FAM91A1: variants seen among roughly 807,000 people sequenced by gnomAD.
The protein encoded by FAM91A1 is protein FAM91A1.
Under a neutral mutation model 113.5 loss-of-function variants are expected in FAM91A1, and 41 were observed. The ratio of observed to expected loss-of-function variants is 0.36; its 90% CI spans 0.28 to 0.47. FAM91A1 has a LOEUF of 0.47. Among genes scored for constraint, FAM91A1 ranks in the 20% least tolerant of loss-of-function variants. The probability of loss-of-function intolerance (pLI) is 1.00; values close to 1 mark genes in which losing one functional copy is unlikely to be tolerated. For missense variants in FAM91A1, 696 were observed against 1,001.2 expected (o/e 0.70, Z 4.11); for synonymous variants, 307 against 347.9 (o/e 0.88, Z 1.31).
At position 123,775,357 on chromosome 8, in the gene FAM91A1, T is replaced by C. The variant is rs943543652; in HGVS notation, c.309+59T>C. ...GGGATGGGACTACATGTCTGGGACT[T>C]TTTGCAGATGTTCACCAGCTCTTCA... On this transcript the variant is annotated intron_variant, in intron 3 of 23. Transcript: ENST00000334705. The C allele has an allele frequency of 3.2e-6, 5 of 1,567,430 alleles. No individual in the cohort carries two copies. The Admixed American group carries it at 9.0e-5, about 28-fold the overall frequency.
chr8:123,784,386 C>T, intron 8 of FAM91A1, 84 bp from the exon 9 acceptor site: 1 of 1,021,996 alleles, frequency 9.8e-7, no homozygotes, highest in Non-Finnish European at 1.4e-6. Context: ...TTAGAGGTTT[C>T]TTTTTTTAAT....
At chr8:123,782,652 A>G (rs1360704664) in intron 8 of FAM91A1, among the ~76,000 whole-genome samples, 3 of 152,336 alleles carry the variant, frequency 2.0e-5, no homozygotes, top group East Asian at 1.9e-4. Flanking sequence ...TTTGTCGTAT[A>G]TATTTAAATT....
At position 123,815,122 on chromosome 8, in the gene FAM91A1, A is replaced by G. The variant is rs947484861; in HGVS notation, c.*2418A>G. Reference sequence around the variant, plus strand: ...TTTGAAGAAATGCAACTTTATATCAAAAAATGTCATCTGATTTCCTTTGTT... The same window carrying G: ...TTTGAAGAAATGCAACTTTATATCAGAAAATGTCATCTGATTTCCTTTGTT... On this transcript the variant is annotated 3_prime_UTR_variant, in exon 24 of 24. Coordinates refer to ENST00000334705, the MANE Select transcript of FAM91A1 (RefSeq NM_144963.4). The G allele has an allele frequency of 1.3e-5, 2 of 152,638 alleles. No individual in the cohort carries two copies. Among genetic ancestry groups the G allele is most frequent in the African/African-American group, 4.8e-5 (2 of 41,450 alleles). The allele number at this position is 152,638 out of a possible 1,614,324, so 9.5% of individuals were successfully genotyped here.
At chr8:123,795,736 C>T (rs923634909) in intron 15 of FAM91A1, among the ~76,000 whole-genome samples, 2 of 152,044 alleles carry the variant, frequency 1.3e-5, no homozygotes, top group African/African-American at 2.4e-5. Context: ...TTAATGCATG[C>T]GAAAGTGTCC....
At chr8:123,806,321 A>G in intron 20 of FAM91A1, 92 bp downstream of exon 20, 1 of 1,293,388 alleles carries the variant, frequency 7.7e-7, no homozygotes, top group Non-Finnish European at 1.0e-6. Context: ...CTTTGTGGGG[A>G]TGCTGAATTA....
intron 11 of FAM91A1, 110 bp from the exon 12 acceptor site, chr8:123,786,385 A>T (rs1815258068): frequency 1.2e-6 from 1 of 822,030 alleles, no homozygotes. Flanking sequence ...CTTGAATATA[A>T]GACTGAATTT....
At chr8:123,785,011 G>T in intron 9 of FAM91A1, 70 bp from the exon 10 acceptor site, 9 of 1,133,674 alleles carry the variant, frequency 7.9e-6, no homozygotes, top group Non-Finnish European at 1.1e-5. Flanking sequence ...GATTATATTG[G>T]TCTATTACAA....
intron 8 of FAM91A1, 72 bp from the exon 9 acceptor site, chr8:123,784,398 A>T: frequency 9.0e-7 from 1 of 1,112,968 alleles, no homozygotes. Context: ...TTTTTTAATT[A>T]GATATGTAAA....
At chr8:123,809,731 T>C (rs970110718) in intron 22 of FAM91A1, among the ~76,000 whole-genome samples, 1 of 152,138 alleles carries the variant, frequency 6.6e-6, no homozygotes, top group Non-Finnish European at 1.5e-5. Context: ...TATCAGAAAA[T>C]GAAGAGTACT....
At chr8:123,787,433 A>G in intron 13 of FAM91A1, 60 bp downstream of exon 13, 1 of 1,283,818 alleles carries the variant, frequency 7.8e-7, no homozygotes, top group South Asian at 1.3e-5. Context: ...ATATAAAATA[A>G]TTTAATGCTT....
chr8:123,777,249 T>A lies in FAM91A1; in HGVS notation c.310-16T>A. 6.4e-7 allele frequency: 1 copy of A among 1,556,612 alleles called. No homozygotes were observed. The highest frequency in any genetic ancestry group is 8.8e-7 in the Non-Finnish European group (1 of 1,140,010). ...ACATTTTAGATTTCAAATTTAAATT[T>A]TTTTCTTTTTAAAAGGATATTATGA... On this transcript the variant is annotated splice_polypyrimidine_tract_variant and intron_variant, in intron 3 of 23. Transcript: ENST00000334705.
At chr8:123,789,560 G>A (rs371091115) in intron 14 of FAM91A1, 53 bp from the exon 15 acceptor site, 2 of 1,607,898 alleles carry the variant, frequency 1.2e-6, no homozygotes, top group South Asian at 2.2e-5. Flanking sequence ...TTATTAGAGT[G>A]AATGGCATAA....
chr8:123,784,911 AG>A, intron 9 of FAM91A1, 169 bp from the exon 10 acceptor site: 1 of 509,172 alleles, frequency 2.0e-6, no homozygotes, highest in East Asian at 3.3e-5. Context: ...TTGTACTATA[AG>A]GATCTTAGAG....
intron 14 of FAM91A1, among the ~76,000 whole-genome samples, chr8:123,789,261 A>T (rs1306623809): frequency 6.6e-6 from 1 of 152,240 alleles, no homozygotes. Flanking sequence ...TGAGAATTAT[A>T]GGTAAAACTG....
chr8:123,768,551 C>A lies in FAM91A1; in HGVS notation c.-152C>A. The A allele has an allele frequency of 1.6e-6, 1 of 614,832 alleles. No individual in the cohort carries two copies. The highest frequency in any genetic ancestry group is 2.7e-6 in the Non-Finnish European group (1 of 365,376). 38.1% of individuals were successfully genotyped at this position (614,832 alleles called of 1,614,324 possible). ...GTTGGCCCGGGCGGCGCTGAACTGT[C>A]GGGAGCCTAGGCCATGGGGCAGCCT... On this transcript the variant is annotated 5_prime_UTR_variant, in exon 1 of 24. Transcript: ENST00000334705.
At chr8:123,781,965 T>G (rs1815135041) in intron 8 of FAM91A1, among the ~76,000 whole-genome samples, 1 of 152,224 alleles carries the variant, frequency 6.6e-6, no homozygotes, top group Non-Finnish European at 1.5e-5. Flanking sequence ...TATGAAAGTA[T>G]TACTCTAGTG....
intron 18 of FAM91A1, among the ~76,000 whole-genome samples, chr8:123,802,092 A>AG (rs930650035): frequency 6.6e-6 from 1 of 152,048 alleles, no homozygotes; most frequent in African/African-American, 2.4e-5. Context: ...TAGCAATTAC[A>AG]GGGGGGTAAC....
rs1178179027 is a variant in FAM91A1, at chr8:123,778,009, A to G, written c.368-16A>G. On this transcript the variant is annotated splice_polypyrimidine_tract_variant and intron_variant, in intron 4 of 23. Coordinates refer to ENST00000334705, the MANE Select transcript of FAM91A1 (RefSeq NM_144963.4). ...GATATGTTAAATGTTTTTAAAGGAA[A>G]GACTCTTTTTTTCAGGTCTAAGGCT... 10 of 1,605,972 alleles carry G rather than the reference A, an allele frequency of 6.2e-6. No homozygotes were observed. The highest frequency in any genetic ancestry group is 8.5e-6 in the Non-Finnish European group (10 of 1,174,320).
At chr8:123,780,404 G>C in intron 7 of FAM91A1, 76 bp from the exon 8 acceptor site, 1 of 1,076,952 alleles carries the variant, frequency 9.3e-7, no homozygotes, top group Non-Finnish European at 1.4e-6. Flanking sequence ...TTTACAGAAA[G>C]CCAGGAATTA....
Sources: gnomAD v4.1 joint callset for allele counts (sites outside exome capture counted in the v4.1 genomes callset) on GRCh38, gnomAD v4.1.1 for gene constraint, MANE v1.5 for transcripts, NCBI Gene and HGNC (gene_info 2026-07-23, HGNC 2026-07-21) for gene names.